Variants in LINGO1 observed in about 807,000 individuals in gnomAD.
LINGO1 encodes leucine rich repeat and Ig domain containing 1, also known as leucine-rich repeat and immunoglobulin-like domain-containing nogo receptor-interacting protein 1.
Under a neutral mutation model 37.3 loss-of-function variants are expected in LINGO1, and 11 were observed. The ratio of observed to expected loss-of-function variants is 0.29; its 90% CI spans 0.19 to 0.49. LINGO1 has a LOEUF of 0.49. Among genes scored for constraint, LINGO1 ranks in the 20% least tolerant of loss-of-function variants. The pLI, the probability that LINGO1 is intolerant of heterozygous loss-of-function variation, is 0.99. For synonymous variants in LINGO1, 387 were observed against 403.0 expected (o/e 0.96, Z 0.48); for missense variants, 585 against 878.2 (o/e 0.67, Z 4.22).
intron 2 of LINGO1, among the ~76,000 whole-genome samples, chr15:77,702,210 A>G (rs2141276131): frequency 6.6e-6 from 1 of 152,264 alleles, no homozygotes; most frequent in East Asian, 1.9e-4. Flanking sequence ...CTCCACTAAC[A>G]CACTGTTTCT....
At chr15:77,738,446 C>T (rs1225282521) in intron 1 of LINGO1, among the ~76,000 whole-genome samples, 1 of 152,190 alleles carries the variant, frequency 6.6e-6, no homozygotes, top group African/African-American at 2.4e-5. Context: ...CTCGCTCCTT[C>T]TACCAAAGGT....
At chr15:77,700,000 A>G (rs2075762042), upstream of LINGO1, among the ~76,000 whole-genome samples, 1 of 152,238 alleles carries the variant, frequency 6.6e-6, no homozygotes, top group Non-Finnish European at 1.5e-5. Context: ...GGAAGGAGTC[A>G]GCAGAGGCCA....
At chr15:77,705,001 A>G (rs2075831945) in intron 2 of LINGO1, among the ~76,000 whole-genome samples, 1 of 152,032 alleles carries the variant, frequency 6.6e-6, no homozygotes, top group Non-Finnish European at 1.5e-5. Flanking sequence ...CCAGGCTCCC[A>G]TCTCCTTGTG....
chr15:77,706,957 C>T (rs886385039), intron 2 of LINGO1, among the ~76,000 whole-genome samples: 1 of 152,262 alleles, frequency 6.6e-6, no homozygotes, highest in Non-Finnish European at 1.5e-5. Context: ...CATGGTTCTG[C>T]CTCCGTGGGC....
chr15:77,763,054 C>T (rs1351722433), intron 1 of LINGO1, among the ~76,000 whole-genome samples: 1 of 152,030 alleles, frequency 6.6e-6, no homozygotes, highest in Non-Finnish European at 1.5e-5. Context: ...GTGCCCACCC[C>T]GCCCTCGCCC....
At chr15:77,696,550 A>G (rs1045115903), upstream of LINGO1, 3 of 152,462 alleles carry the variant, frequency 2.0e-5, no homozygotes, top group Non-Finnish European at 4.4e-5. Context: ...CATGGAGCCC[A>G]GCACAGAGTG....
chr15:77,636,975 T>C (rs1185973873), upstream of LINGO1, among the ~76,000 whole-genome samples: 1 of 152,122 alleles, frequency 6.6e-6, no homozygotes, highest in Admixed American at 6.5e-5. Context: ...TTGGAGGTGG[T>C]CCTGGAGATG....
Position 77,632,823 on chromosome 15 carries a change from C to T in LINGO1, c.-508G>A, listed in dbSNP as rs1195725604. 4.7e-5 allele frequency among the ~76,000 whole-genome samples: 7 copies of T among 148,700 alleles called. No homozygotes were observed. Among genetic ancestry groups the T allele is most frequent in the African/African-American group, 1.7e-4 (7 of 41,064 alleles). On this transcript the variant is annotated 5_prime_UTR_variant, in exon 1 of 2. Coordinates refer to ENST00000355300, the MANE Select transcript of LINGO1 (RefSeq NM_032808.7). This position sits in a 1 kb window ranked among gnomAD's most constrained non-coding sequence, Gnocchi z 6.0. ...GACCAGGACCCACCGCCGCCGCCGC[C>T]GCCTGCGCTGTCGCCCGCCGCCCGC...
At chr15:77,637,410 C>A (rs1265290215), upstream of LINGO1, among the ~76,000 whole-genome samples, 3 of 152,200 alleles carry the variant, frequency 2.0e-5, no homozygotes, top group African/African-American at 7.2e-5. The surrounding 1 kb of genome is among the most constrained non-coding windows in gnomAD (Gnocchi z 4.6). Context: ...ATCCTCTCCC[C>A]TTCCAGTTCA....
chr15:77,816,255 G>C (rs1020955100), intron 1 of LINGO1, among the ~76,000 whole-genome samples: 5 of 152,318 alleles, frequency 3.3e-5, no homozygotes, highest in African/African-American at 1.2e-4. Flanking sequence ...GGTATCCCCA[G>C]CACTCAGTCC....
At chr15:77,704,526 G>A (rs2075824964) in intron 2 of LINGO1, among the ~76,000 whole-genome samples, 1 of 150,496 alleles carries the variant, frequency 6.6e-6, no homozygotes, top group Non-Finnish European at 1.5e-5. Context: ...CACACGCTGA[G>A]CCCCAACCCT....
chr15:77,773,780 G>T (rs552459257), intron 1 of LINGO1, among the ~76,000 whole-genome samples: 4 of 151,772 alleles, frequency 2.6e-5, no homozygotes, highest in Non-Finnish European at 4.4e-5. Context: ...CCAGGGCAAA[G>T]CTTCTCTTCC....
intron 1 of LINGO1, among the ~76,000 whole-genome samples, chr15:77,769,109 C>T (rs1441172854): frequency 6.6e-6 from 1 of 152,216 alleles, no homozygotes; most frequent in African/African-American, 2.4e-5. Context: ...CAGACCCTGG[C>T]CGCAGCCAGC....
chr15:77,652,517 TG>T (rs2074782907), intron 3 of LINGO1, among the ~76,000 whole-genome samples: 8 of 151,364 alleles, frequency 5.3e-5, no homozygotes, highest in African/African-American at 2.0e-4. Context: ...TGTGTGTGTG[TG>T]TGTGTGTGTG....
upstream of LINGO1, among the ~76,000 whole-genome samples, chr15:77,787,631 C>T (rs968774961): frequency 1.1e-4 from 17 of 152,040 alleles, no homozygotes; most frequent in African/African-American, 3.6e-4. Flanking sequence ...CCCTGCCAAC[C>T]GCTGAGCGGA....
intron 1 of LINGO1, among the ~76,000 whole-genome samples, chr15:77,806,288 A>G (rs1047760002): frequency 6.6e-6 from 1 of 152,114 alleles, no homozygotes; most frequent in African/African-American, 2.4e-5. Flanking sequence ...CCCAGTGATG[A>G]TTCCTCTCCG....
At chr15:77,663,477 A>C (rs1354403640) in intron 3 of LINGO1, among the ~76,000 whole-genome samples, 1 of 152,188 alleles carries the variant, frequency 6.6e-6, no homozygotes, top group Non-Finnish European at 1.5e-5. Context: ...GGTCCTGTCT[A>C]GGGGACCCGT....
chr15:77,660,226 G>C (rs1428940681), intron 3 of LINGO1: 1 of 152,346 alleles, frequency 6.6e-6, no homozygotes, highest in Non-Finnish European at 1.5e-5. Context: ...GTCCAGCCTG[G>C]AGTAGAGTCA....
rs544828846 is a variant in LINGO1, at chr15:77,807,029, C to A, written c.-457-10976G>T. ...CAGGCCCATCTGGGCAGCCTCGGCT[C>A]CAGCCACACCCAGCTTCTCAGAGGT... On this transcript the variant is annotated intron_variant, in intron 1 of 5. Coordinates refer to the LINGO1 transcript ENST00000562933. 2.0e-5 allele frequency among the ~76,000 whole-genome samples: 3 copies of A among 152,348 alleles called. No homozygotes were observed. In the South Asian group the frequency reaches 6.2e-4, roughly 32 times the overall value.
Sources: gnomAD v4.1 joint callset for allele counts (sites outside exome capture counted in the v4.1 genomes callset) on GRCh38, gnomAD v4.1.1 for gene constraint, Gnocchi (gnomAD v3.1) non-coding constraint, MANE v1.5 for transcripts, NCBI Gene and HGNC (gene_info 2026-07-23, HGNC 2026-07-21) for gene names.